Variants in LPAR1 observed in about 807,000 individuals in gnomAD.
LPAR1 encodes the protein LPA receptor 1.
In LPAR1, 5 loss-of-function variants were observed where a neutral mutation model predicts 23.8. The ratio of observed to expected loss-of-function variants is 0.21; its 90% confidence interval spans 0.11 to 0.44. The LOEUF (loss-of-function observed/expected upper bound fraction) is 0.44. Ranked by LOEUF, LPAR1 falls within the 20% of genes least tolerant of loss-of-function variation. The pLI is 0.99. For missense variants in LPAR1, 311 were observed against 482.8 expected, an observed-to-expected ratio of 0.64 and a Z score of 3.33; for synonymous variants, 160 against 164.7, an observed-to-expected ratio of 0.97 and a Z score of 0.22.
intron 2 of LPAR1, among the ~76,000 whole-genome samples, chr9:111,011,122 G>A (rs1330052125): frequency 1.3e-5 from 2 of 152,138 alleles, no homozygotes; most frequent in Non-Finnish European, 2.9e-5. Context: ...TATCATTTGT[G>A]AGCATAAGTG....
rs1588078239 is a variant in LPAR1 at position 110,873,938 on chromosome 9, C to A, written c.*1483G>T. ...CCTTGATTCTTGAGACAGTTGAATT[C>A]TTCTAGTTGATCTTGTTGTATTAAA... On this transcript the variant is annotated 3_prime_UTR_variant, in exon 6 of 6. Coordinates refer to ENST00000683809, the MANE Select transcript of LPAR1 (RefSeq NM_001351411.2). The A allele has an allele frequency of 1.3e-5, 2 of 152,696 alleles. No individual in the cohort carries two copies. Among genetic ancestry groups the A allele is most frequent in the Admixed American group, 6.5e-5 (1 of 15,292 alleles). The allele number at this position is 152,696 out of a possible 1,614,324, so 9.5% of individuals were successfully genotyped here. A position where few individuals can be genotyped will look rare whatever the true frequency, so the allele number is the denominator to read the frequency against.
At chr9:110,987,622 A>G (rs187811353) in intron 2 of LPAR1, among the ~76,000 whole-genome samples, 1 of 151,676 alleles carries the variant, frequency 6.6e-6, no homozygotes, top group Non-Finnish European at 1.5e-5. Flanking sequence ...GTAGGTAAGG[A>G]GAACCCATTG....
chr9:110,970,339 A>C (rs1485002321), intron 4 of LPAR1, among the ~76,000 whole-genome samples: 1 of 152,188 alleles, frequency 6.6e-6, no homozygotes, highest in African/African-American at 2.4e-5. Context: ...GGTAACAGGC[A>C]CTAAATCTCT....
intron 2 of LPAR1, among the ~76,000 whole-genome samples, chr9:110,977,306 C>T (rs2096572565): frequency 6.6e-6 from 1 of 152,130 alleles, no homozygotes; most frequent in Admixed American, 6.5e-5. Flanking sequence ...TAACCTCTGG[C>T]TGCATTTACT....
rs768023242 is a variant in LPAR1, at chr9:110,941,835, G to T, written c.379C>A (p.Leu127Ile). Residue 127 changes from leucine (L) to isoleucine (I), a missense_variant, in exon 5 of 6, where the codon CTC becomes ATC. This residue lies in a region of LPAR1 where 250 missense variants were observed against 427.2 expected (regional missense o/e 0.59). Coordinates refer to ENST00000683809, the MANE Select transcript of LPAR1 (RefSeq NM_001351411.2). This position sits in a 1 kb window ranked among gnomAD's most constrained non-coding sequence, Gnocchi z 6.1. ...TVSTWLLRQG[L>I]IDTSLTASVA... ...GATGCCGTCAGGCTGGTGTCAATGAGGCCCTGACGAAGGAGCCATGTGCTA... is the reference window on the plus strand; with the variant it reads ...GATGCCGTCAGGCTGGTGTCAATGATGCCCTGACGAAGGAGCCATGTGCTA... 1 of 1,614,180 alleles carries T rather than the reference G, an allele frequency of 6.2e-7. No individual in the cohort carries two copies. Among genetic ancestry groups the T allele is most frequent in the Non-Finnish European group, 8.5e-7 (1 of 1,180,022 alleles).
At chr9:111,004,369 C>T (rs2097177711) in intron 2 of LPAR1, among the ~76,000 whole-genome samples, 1 of 152,182 alleles carries the variant, frequency 6.6e-6, no homozygotes, top group African/African-American at 2.4e-5. Flanking sequence ...TTGACCCCAA[C>T]TTCTTCCTTC....
At chr9:110,900,657 G>A (rs1019172300) in intron 5 of LPAR1, among the ~76,000 whole-genome samples, 1 of 152,100 alleles carries the variant, frequency 6.6e-6, no homozygotes, top group Non-Finnish European at 1.5e-5. Context: ...TGACCCTGTT[G>A]CTATCACTAG....
At chr9:110,970,989 G>T (rs1200438030) in intron 4 of LPAR1, among the ~76,000 whole-genome samples, 1 of 152,086 alleles carries the variant, frequency 6.6e-6, no homozygotes, top group African/African-American at 2.4e-5. Flanking sequence ...ACAAAAATTA[G>T]CTGGGCGTGG....
At chr9:110,881,597 C>G (rs747528136) in intron 5 of LPAR1, among the ~76,000 whole-genome samples, 1 of 152,154 alleles carries the variant, frequency 6.6e-6, no homozygotes, top group East Asian at 1.9e-4. Flanking sequence ...GGAAAGTCCA[C>G]ATTGAAATGA....
In LPAR1 at chr9:110,941,734, G is replaced by A. The variant is rs777368557; in HGVS notation, c.480C>T (p.Ser160=). The A allele has an allele frequency of 6.8e-6, 11 of 1,614,154 alleles. No homozygotes were observed. Among genetic ancestry groups the A allele is most frequent in the Middle Eastern group, 1.7e-4 (1 of 6,060 alleles). The part of the protein sequence containing the change: ...VFRMQLHTRM[S]NRRVVVVIVV... The stretch of plus-strand genomic sequence containing the variant: ...CAATGACCACCACTACCCGCCGGTT[G>A]CTCATCCGTGTGTGGAGCTGCATGC... The change falls in exon 5 of 6, where the codon AGC becomes AGT. Residue 160 remains serine, a synonymous_variant. Coordinates refer to ENST00000683809, the MANE Select transcript of LPAR1 (RefSeq NM_001351411.2). This position sits in a 1 kb window ranked among gnomAD's most constrained non-coding sequence, Gnocchi z 6.1.
At chr9:110,908,481 T>C (rs1564433926) in intron 5 of LPAR1, among the ~76,000 whole-genome samples, 1 of 152,116 alleles carries the variant, frequency 6.6e-6, no homozygotes, top group Non-Finnish European at 1.5e-5. Flanking sequence ...TCACATCTTA[T>C]GTTCAAGAGA....
At chr9:111,011,855 T>C (rs1049923676) in intron 2 of LPAR1, among the ~76,000 whole-genome samples, 12 of 152,134 alleles carry the variant, frequency 7.9e-5, no homozygotes, top group African/African-American at 2.7e-4. Flanking sequence ...TGGCCCAACT[T>C]TGAAAAATGC....
intron 1 of LPAR1, chr9:111,037,826 C>T (rs2141926791): frequency 6.6e-6 from 1 of 152,332 alleles, no homozygotes; most frequent in East Asian, 1.9e-4. Flanking sequence ...TGGGCGGGCC[C>T]CGGGGCGCAC....
chr9:111,009,294 T>C (rs1270585383), intron 2 of LPAR1, among the ~76,000 whole-genome samples: 1 of 152,074 alleles, frequency 6.6e-6, no homozygotes, highest in Non-Finnish European at 1.5e-5. Context: ...ATTAGTAAAG[T>C]GGACCATCAC....
chr9:110,966,569 A>G (rs1473018349), intron 4 of LPAR1, among the ~76,000 whole-genome samples: 1 of 152,180 alleles, frequency 6.6e-6, no homozygotes, highest in Non-Finnish European at 1.5e-5. Flanking sequence ...ACAAACCTGC[A>G]TGTTCTGCAC....
At chr9:111,022,976 G>A (rs1220781406) in intron 2 of LPAR1, among the ~76,000 whole-genome samples, 10 of 148,834 alleles carry the variant, frequency 6.7e-5, no homozygotes, top group Non-Finnish European at 1.2e-4. Context: ...TGGCGTGCCC[G>A]GCAAGCAGAG....
chr9:110,913,849 A>G (rs1450661388), intron 5 of LPAR1, among the ~76,000 whole-genome samples: 1 of 152,206 alleles, frequency 6.6e-6, no homozygotes, highest in Non-Finnish European at 1.5e-5. Context: ...AATGTAGATG[A>G]AAGGTTACAT....
chr9:110,957,474 A>G (rs993168343), intron 4 of LPAR1, among the ~76,000 whole-genome samples: 2 of 152,166 alleles, frequency 1.3e-5, no homozygotes, highest in Non-Finnish European at 2.9e-5. Context: ...TATTAACAGA[A>G]CGAAGAATAA....
intron 2 of LPAR1, among the ~76,000 whole-genome samples, chr9:110,988,598 T>C (rs77704924): frequency 0.02 from 2,576 of 128,730 alleles, 81 homozygotes; most frequent in African/African-American, 0.071. Flanking sequence ...AAATTCACAC[T>C]TCATAACTAC....
Sources: allele counts gnomAD v4.1 joint callset (sites outside exome capture counted in the v4.1 genomes callset), GRCh38; gene constraint gnomAD v4.1.1; regional missense constraint gnomAD v4.1.1; non-coding constraint Gnocchi (gnomAD v3.1); transcripts MANE v1.5; gene names NCBI Gene and HGNC (gene_info 2026-07-23, HGNC 2026-07-21).